The following SH3RF3 variants were observed in gnomAD, a reference collection of about 807,000 sequenced individuals.
SH3RF3 encodes SH3 domain containing ring finger 3.
In SH3RF3, 29 loss-of-function variants were observed where a neutral mutation model predicts 66.3. That is an observed-to-expected ratio of 0.44 (90% CI 0.33 to 0.60). SH3RF3 has a LOEUF of 0.60. Among genes scored for constraint, SH3RF3 ranks in the 20% least tolerant of loss-of-function variants. The pLI is 0.04. For missense variants in SH3RF3, 1,194 were observed against 1,190.9 expected, an observed-to-expected ratio of 1.00 and a Z score of -0.04; for synonymous variants, 583 against 532.0, an observed-to-expected ratio of 1.10 and a Z score of -1.32.
chr2:109,167,020 A>G (rs189901929), intron 1 of SH3RF3, among the ~76,000 whole-genome samples: 1 of 152,326 alleles, frequency 6.6e-6, no homozygotes, highest in Admixed American at 6.5e-5. Flanking sequence ...TAAAAGAACA[A>G]TACACACCAC....
chr2:109,268,755 G>A (rs998309876), intron 1 of SH3RF3, among the ~76,000 whole-genome samples: 9 of 151,476 alleles, frequency 5.9e-5, no homozygotes, highest in African/African-American at 2.2e-4. Flanking sequence ...AAAAAAAAAG[G>A]CTTTGAGTCT....
intron 1 of SH3RF3, among the ~76,000 whole-genome samples, chr2:109,144,461 C>T (rs1655709113): frequency 6.6e-6 from 1 of 152,214 alleles, no homozygotes; most frequent in South Asian, 2.1e-4. Context: ...GCCCTGGTTT[C>T]CTGTGTGTCT....
intron 4 of SH3RF3, among the ~76,000 whole-genome samples, chr2:109,414,412 C>T (rs1354515664): frequency 6.6e-6 from 1 of 152,134 alleles, no homozygotes; most frequent in African/African-American, 2.4e-5. Context: ...CAGGTTTCAT[C>T]TGGTTTTTCA....
intron 4 of SH3RF3, among the ~76,000 whole-genome samples, chr2:109,401,104 T>C (rs1676301897): frequency 1.3e-5 from 2 of 152,200 alleles, no homozygotes; most frequent in Non-Finnish European, 1.5e-5. Flanking sequence ...TTGCTTATTC[T>C]TGCTCAAACA....
At chr2:109,296,020 G>A (rs769759738) in intron 1 of SH3RF3, among the ~76,000 whole-genome samples, 6 of 152,054 alleles carry the variant, frequency 3.9e-5, no homozygotes, top group Non-Finnish European at 7.4e-5. Context: ...GGATTGATGG[G>A]AGGCTCTGAA....
intron 4 of SH3RF3, among the ~76,000 whole-genome samples, chr2:109,400,719 CAA>C: frequency 6.6e-6 from 1 of 152,356 alleles, no homozygotes; most frequent in South Asian, 2.1e-4. Context: ...TGCACACACA[CAA>C]ACGCTGGCTC....
intron 1 of SH3RF3, among the ~76,000 whole-genome samples, chr2:109,254,128 A>T (rs1017958698): frequency 1.1e-4 from 17 of 152,268 alleles, no homozygotes; most frequent in African/African-American, 4.1e-4. Context: ...CTGCCTCACC[A>T]ACCCCTCTAG....
chr2:109,369,460 G>A (rs949785157), intron 2 of SH3RF3, among the ~76,000 whole-genome samples: 2 of 152,262 alleles, frequency 1.3e-5, no homozygotes, highest in African/African-American at 4.8e-5. Flanking sequence ...GCTGTGTGAA[G>A]TGATATGATG....
chr2:109,426,007 C>T (rs1356406483), intron 5 of SH3RF3, among the ~76,000 whole-genome samples: 6 of 152,214 alleles, frequency 3.9e-5, no homozygotes, highest in African/African-American at 1.4e-4. Context: ...AAGCCATTCT[C>T]CTGCCTCAGC....
At chr2:109,371,503 C>G in intron 2 of SH3RF3, 83 bp from the exon 3 acceptor site, 1 of 1,161,166 alleles carries the variant, frequency 8.6e-7, no homozygotes, top group African/African-American at 1.5e-5. Flanking sequence ...TCCGAGCCTC[C>G]ACAGTACTAA....
chr2:109,204,015 G>A lies in SH3RF3; in HGVS notation c.573+73902G>A, dbSNP rs575739671. ...GAAGGGGCTCTGAGTGTGAAAACCC[G>A]AGTAGTTTATATCTTTGAGACGTCA... On this transcript the variant is annotated intron_variant, in intron 1 of 9. Transcript: ENST00000309415. Among the ~76,000 whole-genome samples, 6 of 152,270 alleles carry A rather than the reference G, an allele frequency of 3.9e-5. No homozygotes were observed. The South Asian group carries it at 1.0e-3, about 26-fold the overall frequency.
chr2:109,313,808 G>A (rs1256438601), intron 1 of SH3RF3, among the ~76,000 whole-genome samples: 1 of 152,256 alleles, frequency 6.6e-6, no homozygotes. Context: ...GAGTGAAACA[G>A]AGGGGCTTAT....
chr2:109,155,512 A>G (rs1397515978), intron 1 of SH3RF3, among the ~76,000 whole-genome samples: 8 of 152,266 alleles, frequency 5.3e-5, no homozygotes, highest in Non-Finnish European at 1.0e-4. Context: ...GGTGTTAGCC[A>G]GGGTGGTCTC....
intron 1 of SH3RF3, among the ~76,000 whole-genome samples, chr2:109,225,745 AAGTT>A (rs1345543707): frequency 6.6e-6 from 1 of 152,182 alleles, no homozygotes; most frequent in Non-Finnish European, 1.5e-5. Context: ...TTATTTTTAT[AAGTT>A]AGTTTCAAGT....
intron 4 of SH3RF3, among the ~76,000 whole-genome samples, chr2:109,416,237 A>T (rs72945393): frequency 0.03 from 4,588 of 152,200 alleles, 237 homozygotes; most frequent in African/African-American, 0.1. Context: ...CGCCCAGCCC[A>T]GGTTGGGTAC....
At chr2:109,396,995 G>T (rs73955574) in intron 3 of SH3RF3, among the ~76,000 whole-genome samples, 72 of 152,310 alleles carry the variant, frequency 4.7e-4, no homozygotes, top group African/African-American at 1.6e-3. Context: ...GAAGGCTTCA[G>T]AATGCCCCCC....
intron 1 of SH3RF3, among the ~76,000 whole-genome samples, chr2:109,249,959 C>T (rs1574529164): frequency 1.3e-5 from 2 of 151,976 alleles, no homozygotes; most frequent in East Asian, 3.9e-4. Context: ...GCTGGGATTA[C>T]AGGCGTGAGC....
At chr2:109,155,161 G>A (rs1012366494) in intron 1 of SH3RF3, among the ~76,000 whole-genome samples, 5 of 152,126 alleles carry the variant, frequency 3.3e-5, no homozygotes, top group Non-Finnish European at 7.3e-5. Context: ...GGTGGTGTTC[G>A]GCATTTTGCA....
At chr2:109,487,089 C>T (rs1284233668) in intron 8 of SH3RF3, among the ~76,000 whole-genome samples, 3 of 152,160 alleles carry the variant, frequency 2.0e-5, no homozygotes, top group African/African-American at 4.8e-5. Flanking sequence ...GTCAGGAAAA[C>T]GTAACAGGGA....
Sources: gnomAD v4.1 joint callset for allele counts (sites outside exome capture counted in the v4.1 genomes callset) on GRCh38, gnomAD v4.1.1 for gene constraint, MANE v1.5 for transcripts, NCBI Gene and HGNC (gene_info 2026-07-23, HGNC 2026-07-21) for gene names.